KLHL6: variants seen among roughly 807,000 people sequenced by gnomAD.
The protein encoded by KLHL6 is kelch-like protein 6.
In KLHL6, 41 loss-of-function variants were observed where a neutral mutation model predicts 58.6. The observed-to-expected ratio is 0.70, with a 90% CI of 0.55 to 0.91. The LOEUF is 0.91. Ranked by LOEUF, KLHL6 falls within the 40% of genes least tolerant of loss-of-function variation. KLHL6 has a pLI of 0.00. For missense variants in KLHL6, 714 were observed against 805.6 expected (o/e 0.89, Z 1.38); for synonymous variants, 338 against 322.7 (o/e 1.05, Z -0.51).
chr3:183,543,273 C>A (rs1334228516), intron 1 of KLHL6, among the ~76,000 whole-genome samples: 1 of 145,130 alleles, frequency 6.9e-6, no homozygotes, highest in East Asian at 2.0e-4. Context: ...GGCGACAGAG[C>A]GAAACTCCAT....
intron 2 of KLHL6, among the ~76,000 whole-genome samples, chr3:183,518,338 G>A (rs768450889): frequency 3.3e-5 from 5 of 152,008 alleles, no homozygotes; most frequent in Admixed American, 6.6e-5. Context: ...TAGCCTGCTC[G>A]CCCACAGAGA....
At chr3:183,541,566 G>A (rs1451003709) in intron 1 of KLHL6, among the ~76,000 whole-genome samples, 1 of 152,204 alleles carries the variant, frequency 6.6e-6, no homozygotes, top group East Asian at 1.9e-4. Context: ...GGGGCTGAGT[G>A]TGGTGGCACA....
At chr3:183,500,823 G>T (rs116212893) in intron 3 of KLHL6, among the ~76,000 whole-genome samples, 1 of 152,088 alleles carries the variant, frequency 6.6e-6, no homozygotes, top group Non-Finnish European at 1.5e-5. Context: ...CAATTTTCCC[G>T]CAAAATTAGA....
At chr3:183,526,719 G>A (rs1229744974) in intron 2 of KLHL6, among the ~76,000 whole-genome samples, 1 of 152,158 alleles carries the variant, frequency 6.6e-6, no homozygotes, top group Non-Finnish European at 1.5e-5. Flanking sequence ...ACATCTCTAT[G>A]GAAGTTCATC....
At chr3:183,534,089 ACTTTT>A (rs1458108128) in intron 1 of KLHL6, among the ~76,000 whole-genome samples, 1 of 136,184 alleles carries the variant, frequency 7.3e-6, no homozygotes, top group African/African-American at 2.6e-5. Flanking sequence ...AAAGTACTTT[ACTTTT>A]AAAGTACTTT....
intron 2 of KLHL6, chr3:183,520,704 C>G (rs1711728350): frequency 6.6e-6 from 1 of 151,952 alleles, no homozygotes; most frequent in South Asian, 2.1e-4. Flanking sequence ...TGAGTTTACA[C>G]AAACATCTCA....
chr3:183,512,936 C>T (rs1718231067), intron 2 of KLHL6, among the ~76,000 whole-genome samples: 3 of 152,142 alleles, frequency 2.0e-5, no homozygotes. Context: ...ACTTCCTATC[C>T]TCTCCAATTG....
intron 2 of KLHL6, among the ~76,000 whole-genome samples, chr3:183,515,059 T>C (rs1281667577): frequency 6.6e-6 from 1 of 152,164 alleles, no homozygotes; most frequent in Non-Finnish European, 1.5e-5. Context: ...TATGTGAACA[T>C]TTGCACATGT....
At position 183,490,576 on chromosome 3, in the gene KLHL6, G is replaced by A. The variant is rs2108660781; in HGVS notation, c.*1351C>T. 1 of 152,274 alleles carries A rather than the reference G, an allele frequency of 6.6e-6. No individual in the cohort carries two copies. The highest frequency in any genetic ancestry group is 2.1e-4 in the South Asian group (1 of 4,820). The allele number at this position is 152,274 out of a possible 1,614,324, so 9.4% of individuals were successfully genotyped here. ...AATCCCAGCACTTCGGGAGGCCGAG[G>A]CGGGCAGATCACAAGGTCAGGCGTT... is the stretch of plus-strand genomic sequence containing the variant. On this transcript the variant is annotated 3_prime_UTR_variant, in exon 7 of 7. Coordinates refer to ENST00000341319, the MANE Select transcript of KLHL6 (RefSeq NM_130446.4).
rs992636744 is a variant in KLHL6, at chr3:183,499,673, A to G, written c.1064T>C (p.Leu355Pro). Residue 355 changes from leucine (L) to proline (P), a missense_variant, in exon 4 of 7, where the codon CTA becomes CCA. Physicochemically the swap from Leu to Pro is moderately conservative, Grantham distance 98. This residue lies in a region of KLHL6 where 510 missense variants were observed against 629.7 expected (regional missense o/e 0.81). Coordinates refer to ENST00000341319, the MANE Select transcript of KLHL6 (RefSeq NM_130446.4). This position sits in a 1 kb window ranked among gnomAD's most constrained non-coding sequence, Gnocchi z 4.6. ...RSRLEVAKLP[L>P]TEHELESENK... ...CTCACTCTCCAGCTCATGCTCTGTT[A>G]GCGGGAGCTTGGCCACCTCCAGGCG... 3 of 1,612,022 alleles carry G rather than the reference A, an allele frequency of 1.9e-6. No individual in the cohort carries two copies. The highest frequency in any genetic ancestry group is 1.1e-5 in the South Asian group (1 of 90,342).
chr3:183,513,336 A>G (rs1207233821), intron 2 of KLHL6, among the ~76,000 whole-genome samples: 1 of 152,250 alleles, frequency 6.6e-6, no homozygotes, highest in Non-Finnish European at 1.5e-5. Flanking sequence ...AGTTAATAAA[A>G]GATAGAAGCA....
intron 3 of KLHL6, among the ~76,000 whole-genome samples, chr3:183,506,873 TAAAA>T (rs1390365881): frequency 5.1e-4 from 72 of 142,242 alleles, no homozygotes; most frequent in Middle Eastern, 3.6e-3. Flanking sequence ...AATAAATAAA[TAAAA>T]GGAGAAGTCT....
At chr3:183,507,874 G>A (rs190231903) in intron 3 of KLHL6, among the ~76,000 whole-genome samples, 185 bp downstream of exon 3, 19 of 152,142 alleles carry the variant, frequency 1.2e-4, no homozygotes, top group East Asian at 7.7e-4. Context: ...GTCTGAACAC[G>A]TGGGATCGGC....
intron 1 of KLHL6, among the ~76,000 whole-genome samples, chr3:183,543,543 G>A (rs186922265): frequency 3.9e-5 from 6 of 152,212 alleles, no homozygotes; most frequent in Non-Finnish European, 8.8e-5. Context: ...CCTAATCTCT[G>A]TTCTCTTCTG....
chr3:183,540,962 C>T (rs964665751), intron 1 of KLHL6, among the ~76,000 whole-genome samples: 10 of 152,138 alleles, frequency 6.6e-5, no homozygotes, highest in African/African-American at 2.4e-4. Context: ...AGGCTATTGC[C>T]CGGAGGCTCC....
chr3:183,540,459 G>A (rs564125646), intron 1 of KLHL6, among the ~76,000 whole-genome samples: 14 of 152,150 alleles, frequency 9.2e-5, no homozygotes, highest in African/African-American at 3.4e-4. Flanking sequence ...TTTATGCTTG[G>A]ACCAGTTTGA....
At chr3:183,543,243 C>A (rs934832790) in intron 1 of KLHL6, among the ~76,000 whole-genome samples, 4 of 150,916 alleles carry the variant, frequency 2.7e-5, no homozygotes, top group Non-Finnish European at 5.9e-5. Flanking sequence ...GCTGAGATCG[C>A]ACCACTGCAC....
chr3:183,541,674 A>G (rs916493559), intron 1 of KLHL6, among the ~76,000 whole-genome samples: 1 of 152,136 alleles, frequency 6.6e-6, no homozygotes, highest in African/African-American at 2.4e-5. Context: ...CCTCTAAAAA[A>G]CACAAAACAA....
intron 3 of KLHL6, among the ~76,000 whole-genome samples, chr3:183,507,486 C>T (rs1011253940): frequency 6.6e-6 from 1 of 152,122 alleles, no homozygotes; most frequent in African/African-American, 2.4e-5. Context: ...GGCTGGAGTG[C>T]AGTGGCGTGA....
Sources: gnomAD v4.1 joint callset for allele counts (sites outside exome capture counted in the v4.1 genomes callset) on GRCh38, gnomAD v4.1.1 for gene constraint, gnomAD v4.1.1 regional missense constraint, Gnocchi (gnomAD v3.1) non-coding constraint, MANE v1.5 for transcripts, NCBI Gene and HGNC (gene_info 2026-07-23, HGNC 2026-07-21) for gene names.